ATL1: variants seen among roughly 807,000 people sequenced by gnomAD.
The protein encoded by ATL1 is atlastin-1.
In ATL1, 31 loss-of-function variants were observed where a neutral mutation model predicts 75.5. The ratio of observed to expected loss-of-function variants is 0.41; its 90% CI spans 0.31 to 0.55. The LOEUF is 0.55. Ranked by LOEUF, ATL1 falls within the 20% of genes least tolerant of loss-of-function variation. The pLI, the probability that ATL1 is intolerant of heterozygous loss-of-function variation, is 0.27. For missense variants in ATL1, 405 were observed against 662.6 expected, an observed-to-expected ratio of 0.61 and a Z score of 4.27; for synonymous variants, 226 against 233.3, an observed-to-expected ratio of 0.97 and a Z score of 0.28.
At position 50,632,295 on chromosome 14, in the gene ATL1, C is replaced by A. The variant is rs2039590225; in HGVS notation, c.1633C>A (p.Pro545Thr). The change falls in exon 14 of 14, where the codon CCA (proline) becomes ACA (threonine). Residue 545 changes from proline (P) to threonine (T), a missense_variant. By Grantham distance (38) the Pro-to-Thr change is conservative. This residue lies in a region of ATL1 where 163 missense variants were observed against 244.1 expected (regional missense o/e 0.67). Coordinates refer to ENST00000358385, the MANE Select transcript of ATL1 (RefSeq NM_015915.5). ...TCTGTATCATCAAGCTTTCCCTACACCAAAGTCGGAATCTACTGAACAATC... is the reference window on the plus strand; with the variant it reads ...TCTGTATCATCAAGCTTTCCCTACAACAAAGTCGGAATCTACTGAACAATC... Reference protein sequence around the residue: ...RHLYHQAFPTPKSESTEQSEK... With the variant: ...RHLYHQAFPTTKSESTEQSEK... 1 of 1,613,422 alleles carries A rather than the reference C, an allele frequency of 6.2e-7. No homozygotes were observed. Among genetic ancestry groups the A allele is most frequent in the Admixed American group, 1.7e-5 (1 of 59,986 alleles).
At chr14:50,628,600 G>C (rs993272785) in intron 12 of ATL1, 138 bp downstream of exon 12, 1 of 833,048 alleles carries the variant, frequency 1.2e-6, no homozygotes. Flanking sequence ...GACCTGCCCA[G>C]ATACAAGCAA....
chr14:50,576,129 A>G (rs1205309242), intron 1 of ATL1, among the ~76,000 whole-genome samples: 2 of 152,226 alleles, frequency 1.3e-5, no homozygotes, highest in East Asian at 3.8e-4. Context: ...TCAATACAGT[A>G]TTCAATAAAT....
intron 1 of ATL1, among the ~76,000 whole-genome samples, chr14:50,583,749 T>C (rs1265081248): frequency 6.6e-6 from 1 of 152,166 alleles, no homozygotes; most frequent in Admixed American, 6.5e-5. Context: ...ATTAGAAGGA[T>C]AGGAGGTGCT....
At chr14:50,558,357 T>A (rs1160773461), upstream of ATL1, among the ~76,000 whole-genome samples, 1 of 152,198 alleles carries the variant, frequency 6.6e-6, no homozygotes, top group East Asian at 1.9e-4. Context: ...AGACTGTGTC[T>A]GGAAAACAAA....
upstream of ATL1, among the ~76,000 whole-genome samples, chr14:50,555,725 T>C (rs2038757849): frequency 6.6e-6 from 1 of 152,208 alleles, no homozygotes; most frequent in Non-Finnish European, 1.5e-5. Context: ...ACTAATATAG[T>C]CCATGATACC....
intron 1 of ATL1, among the ~76,000 whole-genome samples, chr14:50,536,203 G>C (rs144432513): frequency 4.5e-4 from 69 of 152,312 alleles, no homozygotes; most frequent in African/African-American, 1.6e-3. Flanking sequence ...CCAGCACTTT[G>C]GGAGGCCAAG....
rs532401914 is a variant in ATL1 at position 50,591,773 on chromosome 14, C to T, written c.522+134C>T. 122 of 658,778 alleles carry T rather than the reference C, an allele frequency of 1.9e-4. 1 individual carries two copies. In the South Asian group the frequency reaches 2.1e-3, roughly 12 times the overall value. The allele number at this position is 658,778 out of a possible 1,614,324, so 40.8% of individuals were successfully genotyped here. On this transcript the variant is annotated intron_variant, in intron 4 of 13. Coordinates refer to ENST00000358385, the MANE Select transcript of ATL1 (RefSeq NM_015915.5). The stretch of plus-strand genomic sequence containing the variant: ...TATATTGTTTGACTCAATTAGCATA[C>T]GAGTTCTCGTGATTTCTGTGAGAGT...
chr14:50,592,009 G>T (rs2039163419), intron 4 of ATL1, among the ~76,000 whole-genome samples: 1 of 152,058 alleles, frequency 6.6e-6, no homozygotes, highest in Non-Finnish European at 1.5e-5. Context: ...TATAAATTTT[G>T]TTCTACATAG....
intron 1 of ATL1, among the ~76,000 whole-genome samples, chr14:50,564,647 C>CAAAAAAAAAAA (rs60054322): frequency 6.2e-3 from 247 of 40,010 alleles, no homozygotes; most frequent in African/African-American, 7.3e-3. Flanking sequence ...GATTCCGTCT[C>CAAAAAAAAAAA]AAAAAAAAAA....
intron 12 of ATL1, 33 bp from the exon 13 acceptor site, chr14:50,629,962 T>C (rs758767284): frequency 1.4e-5 from 22 of 1,546,092 alleles, no homozygotes; most frequent in Non-Finnish European, 1.6e-5. Context: ...ATATATACTT[T>C]TCTTTTTTCT....
chr14:50,598,053 T>C (rs2140212411), intron 6 of ATL1, among the ~76,000 whole-genome samples: 1 of 152,288 alleles, frequency 6.6e-6, no homozygotes, highest in African/African-American at 2.4e-5. Flanking sequence ...AAAATATATA[T>C]ACCATTCACA....
chr14:50,609,810 A>G (rs1047751158), intron 6 of ATL1, among the ~76,000 whole-genome samples: 1 of 152,058 alleles, frequency 6.6e-6, no homozygotes, highest in African/African-American at 2.4e-5. Context: ...TGCCCGTTCT[A>G]GGTCTAAGGT....
chr14:50,575,425 A>T (rs375301200), intron 1 of ATL1, among the ~76,000 whole-genome samples: 1 of 152,162 alleles, frequency 6.6e-6, no homozygotes, highest in South Asian at 2.1e-4. Context: ...ATATAATCCC[A>T]TATCTCTACT....
chr14:50,537,381 G>T (rs186684036), intron 1 of ATL1, among the ~76,000 whole-genome samples: 35 of 152,342 alleles, frequency 2.3e-4, no homozygotes, highest in Admixed American at 1.8e-3. Flanking sequence ...TTCTGCAGGG[G>T]TAGTGCCCTC....
At chr14:50,621,462 C>T (rs1032581483) in intron 9 of ATL1, among the ~76,000 whole-genome samples, 1 of 152,114 alleles carries the variant, frequency 6.6e-6, no homozygotes, top group Non-Finnish European at 1.5e-5. Context: ...GAGGTGCTTA[C>T]AATTTGGTAG....
intron 1 of ATL1, among the ~76,000 whole-genome samples, chr14:50,586,787 G>A (rs1252593539): frequency 1.3e-5 from 2 of 151,988 alleles, no homozygotes; most frequent in South Asian, 2.1e-4. Flanking sequence ...GGCAGTTACC[G>A]TCCATGTGAA....
At chr14:50,625,927 A>G (rs1411354139) in intron 11 of ATL1, among the ~76,000 whole-genome samples, 3 of 151,800 alleles carry the variant, frequency 2.0e-5, no homozygotes, top group Non-Finnish European at 4.4e-5. Context: ...AAAAAAAATC[A>G]TGCTATACCT....
At chr14:50,547,063 G>A (rs556582476) in intron 1 of ATL1, among the ~76,000 whole-genome samples, 1 of 152,186 alleles carries the variant, frequency 6.6e-6, no homozygotes, top group East Asian at 1.9e-4. Context: ...CATGGACACA[G>A]GGGGAGGGGG....
intron 1 of ATL1, among the ~76,000 whole-genome samples, chr14:50,576,102 C>G (rs2039003659): frequency 6.6e-6 from 1 of 152,100 alleles, no homozygotes; most frequent in Non-Finnish European, 1.5e-5. Flanking sequence ...ACCCATATAA[C>G]CATTCTTTTT....
Sources: gnomAD v4.1 joint callset for allele counts (sites outside exome capture counted in the v4.1 genomes callset) on GRCh38, gnomAD v4.1.1 for gene constraint, gnomAD v4.1.1 regional missense constraint, MANE v1.5 for transcripts, NCBI Gene and HGNC (gene_info 2026-07-23, HGNC 2026-07-21) for gene names.